ILDR1: variants seen among roughly 807,000 people sequenced by gnomAD.
ILDR1 encodes immunoglobulin-like domain-containing receptor 1.
A neutral mutation model predicts 62.4 loss-of-function variants in ILDR1; 56 were observed. That is an observed-to-expected ratio of 0.90 (90% confidence interval 0.72 to 1.12). The LOEUF (loss-of-function observed/expected upper bound fraction) is 1.12, where lower values mean the gene tolerates loss of function less well. Among genes scored for constraint, ILDR1 ranks in the 50% most tolerant of loss-of-function variants. The pLI is 0.00. For missense variants in ILDR1, 736 were observed against 710.6 expected (o/e 1.04, Z -0.41); for synonymous variants, 284 against 277.8 (o/e 1.02, Z -0.22).
At chr3:121,989,199 A>G (rs2071300525) in intron 7 of ILDR1, among the ~76,000 whole-genome samples, 1 of 152,214 alleles carries the variant, frequency 6.6e-6, no homozygotes, top group African/African-American at 2.4e-5. Context: ...TTTCCAATTT[A>G]TCAGGAAAGT....
the ILDR1 span, among the ~76,000 whole-genome samples, chr3:122,039,252 C>T: frequency 6.6e-6 from 1 of 151,776 alleles, no homozygotes; most frequent in African/African-American, 2.4e-5. Context: ...TCTAAGAAGC[C>T]CAGAGAACAC....
chr3:122,022,956 A>C (rs1175639999), upstream of ILDR1, among the ~76,000 whole-genome samples: 5 of 133,732 alleles, frequency 3.7e-5, no homozygotes, highest in Non-Finnish European at 8.3e-5. Flanking sequence ...TAAATAAATA[A>C]ATATTTGTTT....
chr3:122,055,440 G>A, the ILDR1 span: 31 of 1,598,948 alleles, frequency 1.9e-5, no homozygotes, highest in East Asian at 2.2e-5. Context: ...ACAGACACAC[G>A]GATGAGTGGG....
the ILDR1 span, among the ~76,000 whole-genome samples, chr3:122,045,215 T>C: frequency 2.7e-5 from 4 of 150,158 alleles, no homozygotes; most frequent in African/African-American, 4.9e-5. Flanking sequence ...AGTTTCCATG[T>C]AGTTGAGCAG....
chr3:122,041,478 T>A, the ILDR1 span, among the ~76,000 whole-genome samples: 1 of 152,168 alleles, frequency 6.6e-6, no homozygotes, highest in Non-Finnish European at 1.5e-5. Flanking sequence ...GAGAAATAAA[T>A]TTCTATTGTT....
At chr3:122,018,829 C>T (rs1394150100) in intron 1 of ILDR1, among the ~76,000 whole-genome samples, 1 of 152,170 alleles carries the variant, frequency 6.6e-6, no homozygotes, top group Non-Finnish European at 1.5e-5. Context: ...AGTCTCCCAT[C>T]CATCACCCAT....
intron 1 of ILDR1, among the ~76,000 whole-genome samples, chr3:122,021,363 A>C (rs955067429): frequency 6.6e-6 from 1 of 152,204 alleles, no homozygotes; most frequent in Non-Finnish European, 1.5e-5. Flanking sequence ...ACACACAGAG[A>C]TACACAAAAT....
chr3:122,022,245 C>G lies in ILDR1; in HGVS notation c.-168G>C, dbSNP rs1045239081. ...CGCTCTGGTCCCGGGGCAGGTGCCG[C>G]CCGGCTCGTCCCCACCTGCGGCGCT... On this transcript the variant is annotated 5_prime_UTR_variant, in exon 1 of 8. Transcript: ENST00000344209. 1 of 561,680 alleles carries G rather than the reference C, an allele frequency of 1.8e-6. No individual in the cohort carries two copies. The highest frequency in any genetic ancestry group is 3.0e-6 in the Non-Finnish European group (1 of 328,880). 34.8% of individuals were successfully genotyped at this position (561,680 alleles called of 1,614,324 possible).
the ILDR1 span, among the ~76,000 whole-genome samples, chr3:122,029,511 A>AAAATATATATATATATATAT: frequency 7.2e-6 from 1 of 139,476 alleles, no homozygotes; most frequent in African/African-American, 2.8e-5. Flanking sequence ...GTCTAAAAAA[A>AAAATATATATATATATATAT]ATATATATAT....
the ILDR1 span, among the ~76,000 whole-genome samples, chr3:122,037,296 T>A: frequency 5.4e-4 from 82 of 152,244 alleles, no homozygotes; most frequent in South Asian, 0.016. Flanking sequence ...CCTCAGGCAC[T>A]CAACACCAGC....
chr3:122,002,600 T>C (rs557737287), intron 3 of ILDR1, among the ~76,000 whole-genome samples: 3 of 152,198 alleles, frequency 2.0e-5, no homozygotes, highest in Non-Finnish European at 4.4e-5. Flanking sequence ...GGTTTATATA[T>C]ATATTTGCTG....
At chr3:122,060,917 A>G in the ILDR1 span, among the ~76,000 whole-genome samples, 19 of 152,334 alleles carry the variant, frequency 1.2e-4, no homozygotes, top group Admixed American at 1.0e-3. Context: ...AATTTACATC[A>G]ATAAACAGAA....
At chr3:122,034,017 A>G in the ILDR1 span, among the ~76,000 whole-genome samples, 1 of 152,216 alleles carries the variant, frequency 6.6e-6, no homozygotes, top group African/African-American at 2.4e-5. Flanking sequence ...TTCCATAAAA[A>G]TCGCTAGGGT....
At chr3:122,003,966 A>G (rs1437853985) in intron 3 of ILDR1, among the ~76,000 whole-genome samples, 1 of 152,162 alleles carries the variant, frequency 6.6e-6, no homozygotes, top group East Asian at 1.9e-4. Flanking sequence ...AAGACTAGAA[A>G]AGAAGGACAG....
the ILDR1 span, among the ~76,000 whole-genome samples, chr3:122,058,799 G>A: frequency 6.6e-6 from 1 of 152,074 alleles, no homozygotes; most frequent in Non-Finnish European, 1.5e-5. Context: ...CTGATTTGGA[G>A]TGACAAGGAG....
intron 1 of ILDR1, among the ~76,000 whole-genome samples, chr3:122,021,706 G>T (rs148345821): frequency 1.3e-5 from 2 of 152,338 alleles, no homozygotes; most frequent in East Asian, 3.9e-4. Flanking sequence ...TTAAAGAACG[G>T]TGCTTTTGCC....
chr3:122,040,621 C>CA, the ILDR1 span, among the ~76,000 whole-genome samples: 1 of 142,518 alleles, frequency 7.0e-6, no homozygotes, highest in Non-Finnish European at 1.5e-5. Context: ...AATAGACCTA[C>CA]AAAAATACAG....
the ILDR1 span, among the ~76,000 whole-genome samples, chr3:122,053,581 T>C: frequency 6.6e-6 from 1 of 152,224 alleles, no homozygotes; most frequent in Non-Finnish European, 1.5e-5. Flanking sequence ...GGTCTCATTA[T>C]GTTGCCCAAG....
rs2071528737 is a variant in ILDR1 at position 122,001,685 on chromosome 3, T to C, written c.499+60A>G. On this transcript the variant is annotated intron_variant, in intron 4 of 7. Coordinates refer to ENST00000344209, the MANE Select transcript of ILDR1 (RefSeq NM_001199799.2). ...ATTTCTGGTTTTTTTTTTTTTTTCC[T>C]GTGAGTAAAAGTGTTACGGCAGTGA... The C allele has an allele frequency of 1.3e-5, 21 of 1,566,952 alleles. No individual in the cohort carries two copies. In the Middle Eastern group the frequency reaches 9.4e-4, roughly 70 times the overall value.
Sources: gnomAD v4.1 joint callset for allele counts (sites outside exome capture counted in the v4.1 genomes callset) on GRCh38, gnomAD v4.1.1 for gene constraint, MANE v1.5 for transcripts, NCBI Gene and HGNC (gene_info 2026-07-23, HGNC 2026-07-21) for gene names.